JARID2: variants seen among roughly 807,000 people sequenced by gnomAD.
JARID2 encodes the protein jumonji and AT-rich interaction domain containing 2.
In JARID2, 21 loss-of-function variants were observed where a neutral mutation model predicts 125.6. That is an observed-to-expected ratio of 0.17 (90% CI 0.12 to 0.24). The LOEUF is 0.24. Ranked by LOEUF, JARID2 falls within the 10% of genes least tolerant of loss-of-function variation. JARID2 has a pLI of 1.00. For synonymous variants in JARID2, 736 were observed against 661.6 expected, an observed-to-expected ratio of 1.11 and a Z score of -1.73; for missense variants, 1,303 against 1,639.6, an observed-to-expected ratio of 0.79 and a Z score of 3.55.
chr6:15,472,541 C>T lies in JARID2; in HGVS notation c.670+3823C>T, dbSNP rs2299039. On this transcript the variant is annotated intron_variant, in intron 5 of 17. Coordinates refer to ENST00000341776, the MANE Select transcript of JARID2 (RefSeq NM_004973.4). The stretch of plus-strand genomic sequence containing the variant: ...CAAGTGTCTACCATTTTGATTATGT[C>T]GTATTTGAATTGTGAATGGGTTTTC... Among the ~76,000 whole-genome samples the T allele has an allele frequency of 1.8e-3, 277 of 152,188 alleles. 5 individuals carry two copies. In the East Asian group the frequency reaches 0.051, roughly 28 times the overall value.
At chr6:15,261,243 G>A (rs1759860220) in intron 1 of JARID2, among the ~76,000 whole-genome samples, 1 of 151,850 alleles carries the variant, frequency 6.6e-6, no homozygotes, top group Admixed American at 6.6e-5. Context: ...GGCATTAACA[G>A]CTTGTTTTTC....
intron 1 of JARID2, among the ~76,000 whole-genome samples, chr6:15,366,518 C>CGGGGGGGGGCG (rs1367437795): frequency 5.6e-4 from 8 of 14,408 alleles, no homozygotes; most frequent in African/African-American, 1.0e-3. Context: ...GCGGGGGGGG[C>CGGGGGGGGGCG]GGGGGGGGTG....
chr6:15,248,580 C>G (rs1759293142), intron 1 of JARID2: 1 of 151,386 alleles, frequency 6.6e-6, no homozygotes, highest in Non-Finnish European at 1.5e-5. Context: ...GGCTCCGACG[C>G]AGTCTCGAGA....
intron 1 of JARID2, among the ~76,000 whole-genome samples, chr6:15,341,346 A>G (rs1763065742): frequency 6.6e-6 from 1 of 152,190 alleles, no homozygotes; most frequent in Admixed American, 6.5e-5. Flanking sequence ...ATGTATACTT[A>G]TGATTTTACT....
At chr6:15,304,180 CA>C (rs1457265594) in intron 1 of JARID2, among the ~76,000 whole-genome samples, 1 of 151,994 alleles carries the variant, frequency 6.6e-6, no homozygotes, top group African/African-American at 2.4e-5. Flanking sequence ...GCTGAGGGCG[CA>C]GGGCTCAGGA....
At chr6:15,339,468 TC>T (rs903502227) in intron 1 of JARID2, among the ~76,000 whole-genome samples, 2 of 151,856 alleles carry the variant, frequency 1.3e-5, no homozygotes, top group African/African-American at 4.8e-5. Flanking sequence ...ATGCAGGTAT[TC>T]CCAGGGTGCA....
At chr6:15,483,408 A>G (rs1434222336) in intron 5 of JARID2, among the ~76,000 whole-genome samples, 2 of 150,228 alleles carry the variant, frequency 1.3e-5, no homozygotes, top group Admixed American at 6.6e-5. Context: ...TTTAACTGCT[A>G]CTAATCCATG....
At chr6:15,469,371 TC>T (rs1487482240) in intron 5 of JARID2, among the ~76,000 whole-genome samples, 1 of 19,868 alleles carries the variant, frequency 5.0e-5, no homozygotes, top group African/African-American at 2.3e-4. Flanking sequence ...CCTCCCCTTC[TC>T]CCCCTCTCCC....
At chr6:15,372,939 C>G (rs1244961929) in intron 1 of JARID2, among the ~76,000 whole-genome samples, 1 of 152,096 alleles carries the variant, frequency 6.6e-6, no homozygotes, top group Non-Finnish European at 1.5e-5. Flanking sequence ...GAACTCCTGA[C>G]CTCGTGATCT....
chr6:15,303,974 A>T (rs1214619522), intron 1 of JARID2, among the ~76,000 whole-genome samples: 2 of 152,278 alleles, frequency 1.3e-5, no homozygotes, highest in Non-Finnish European at 2.9e-5. Flanking sequence ...AATTCGTTTA[A>T]GCTGTGTGAC....
At chr6:15,341,535 A>G (rs997822602) in intron 1 of JARID2, among the ~76,000 whole-genome samples, 4 of 152,182 alleles carry the variant, frequency 2.6e-5, no homozygotes, top group Admixed American at 2.0e-4. Context: ...TCATGCTTCA[A>G]CAAGGCTTCC....
At chr6:15,291,479 C>T (rs1239240011) in intron 1 of JARID2, among the ~76,000 whole-genome samples, 1 of 152,186 alleles carries the variant, frequency 6.6e-6, no homozygotes, top group Non-Finnish European at 1.5e-5. Flanking sequence ...TCTGGTTTCT[C>T]AGCCTGCGTC....
intron 14 of JARID2, 31 bp from the exon 15 acceptor site, chr6:15,512,884 C>G (rs756554937): frequency 1.2e-5 from 20 of 1,602,208 alleles, no homozygotes; most frequent in Non-Finnish European, 1.1e-5. Context: ...TAATGAAAAT[C>G]CACCCTAAAG....
At chr6:15,440,262 A>G (rs542476966) in intron 3 of JARID2, among the ~76,000 whole-genome samples, 1 of 152,358 alleles carries the variant, frequency 6.6e-6, no homozygotes, top group African/African-American at 2.4e-5. Flanking sequence ...GTGGATTCAC[A>G]GCTTGCAACA....
At chr6:15,288,524 G>A (rs794776) in intron 1 of JARID2, among the ~76,000 whole-genome samples, 14,782 of 152,178 alleles carry the variant, frequency 0.097, 899 homozygotes, top group Non-Finnish European at 0.13. Context: ...AGTGCCCAAC[G>A]TTATTACTTG....
intron 5 of JARID2, among the ~76,000 whole-genome samples, chr6:15,485,743 A>C (rs1384630853): frequency 1.3e-5 from 2 of 152,268 alleles, no homozygotes; most frequent in Admixed American, 1.3e-4. Flanking sequence ...ACAGCAAATG[A>C]AAAAGTAAAC....
At chr6:15,460,615 A>G (rs1171625970) in intron 4 of JARID2, among the ~76,000 whole-genome samples, 2 of 152,248 alleles carry the variant, frequency 1.3e-5, no homozygotes, top group African/African-American at 4.8e-5. Context: ...TCCATTGGGA[A>G]CTGAGGAAGG....
chr6:15,431,004 T>C (rs1173701124), intron 3 of JARID2, among the ~76,000 whole-genome samples: 2 of 152,204 alleles, frequency 1.3e-5, no homozygotes, highest in African/African-American at 2.4e-5. Flanking sequence ...CTGTAGACTA[T>C]TGGTACCGTG....
intron 2 of JARID2, among the ~76,000 whole-genome samples, chr6:15,391,346 C>G (rs1292416367): frequency 6.6e-6 from 1 of 152,096 alleles, no homozygotes; most frequent in East Asian, 1.9e-4. Context: ...AGGGGTACCC[C>G]ACAGACTATT....
Sources: allele counts gnomAD v4.1 joint callset (sites outside exome capture counted in the v4.1 genomes callset), GRCh38; gene constraint gnomAD v4.1.1; transcripts MANE v1.5; gene names NCBI Gene and HGNC (gene_info 2026-07-23, HGNC 2026-07-21).